USP54: variants seen among roughly 807,000 people sequenced by gnomAD.
The protein encoded by USP54 is ubiquitin specific peptidase 54.
In USP54, 87 loss-of-function variants were observed where a neutral mutation model predicts 170.5. The ratio of observed to expected loss-of-function variants is 0.51; its 90% CI spans 0.43 to 0.61. The LOEUF is 0.61. USP54 is among the 20% of genes least tolerant of loss of function. USP54 has a pLI of 0.00. For synonymous variants in USP54, 655 were observed against 742.8 expected (o/e 0.88, Z 1.92); for missense variants, 1,786 against 2,047.8 (o/e 0.87, Z 2.47).
chr10:73,546,954 T>C (rs1442084500), intron 4 of USP54, among the ~76,000 whole-genome samples: 1 of 152,236 alleles, frequency 6.6e-6, no homozygotes, highest in Non-Finnish European at 1.5e-5. Flanking sequence ...TAGTTTTAAT[T>C]TAGTCTTTAA....
At chr10:73,607,912 G>A (rs535859737) in intron 1 of USP54, among the ~76,000 whole-genome samples, 13 of 151,766 alleles carry the variant, frequency 8.6e-5, no homozygotes, top group African/African-American at 2.9e-4. Context: ...GATTAAATGA[G>A]TTGCAGTGTG....
rs563528927 is a variant in USP54, at chr10:73,498,433, G to A, written c.*196C>T. ...TGGGACTACAGGCACGCACCGTCACGCCTGGCTAATTTTTTGTATTTTGGT... is the reference window on the plus strand; with the variant it reads ...TGGGACTACAGGCACGCACCGTCACACCTGGCTAATTTTTTGTATTTTGGT... On this transcript the variant is annotated 3_prime_UTR_variant, in exon 24 of 24. Coordinates refer to ENST00000687698, the MANE Select transcript of USP54 (RefSeq NM_001391956.1). 1.8e-5 allele frequency: 7 copies of A among 383,026 alleles called. No individual in the cohort carries two copies. The highest frequency in any genetic ancestry group is 5.9e-5 in the South Asian group (1 of 16,902). 23.7% of individuals were successfully genotyped at this position (383,026 alleles called of 1,614,324 possible).
intron 4 of USP54, among the ~76,000 whole-genome samples, chr10:73,552,423 A>C (rs561069242): frequency 6.6e-6 from 1 of 151,464 alleles, no homozygotes; most frequent in South Asian, 2.1e-4. Context: ...AAAAAAAAAA[A>C]AAAAAGTATT....
chr10:73,506,999 G>A (rs752012504), intron 20 of USP54: 2 of 151,792 alleles, frequency 1.3e-5, no homozygotes, highest in African/African-American at 2.4e-5. Flanking sequence ...ACCTATAGAA[G>A]AATAAATACA....
intron 1 of USP54, among the ~76,000 whole-genome samples, chr10:73,603,681 G>C (rs2079381845): frequency 6.6e-6 from 1 of 151,740 alleles, no homozygotes; most frequent in Non-Finnish European, 1.5e-5. Flanking sequence ...CCGGGAGGCA[G>C]AGGTGGCAGT....
At chr10:73,569,519 C>G (rs893526544) in intron 4 of USP54, among the ~76,000 whole-genome samples, 2 of 152,044 alleles carry the variant, frequency 1.3e-5, no homozygotes, top group African/African-American at 4.8e-5. Context: ...TGATGGCTCA[C>G]GCCTGTAATC....
intron 1 of USP54, among the ~76,000 whole-genome samples, chr10:73,623,199 A>G (rs978633214): frequency 2.0e-5 from 3 of 152,064 alleles, no homozygotes; most frequent in African/African-American, 7.2e-5. Flanking sequence ...CTTAGGCAAC[A>G]TAGCAAGACC....
intron 1 of USP54, among the ~76,000 whole-genome samples, chr10:73,581,007 C>T (rs1454579548): frequency 6.6e-6 from 1 of 152,236 alleles, no homozygotes; most frequent in Non-Finnish European, 1.5e-5. Flanking sequence ...AAATGATATT[C>T]ACACAATGAC....
chr10:73,510,500 G>A (rs114795696), intron 20 of USP54, among the ~76,000 whole-genome samples: 2,930 of 143,146 alleles, frequency 0.02, 92 homozygotes, highest in African/African-American at 0.073. Context: ...TGCCCAGGCT[G>A]TAGTGCAATG....
intron 7 of USP54, chr10:73,541,971 T>G (rs1041843475): frequency 3.9e-6 from 2 of 518,310 alleles, no homozygotes; most frequent in Non-Finnish European, 3.4e-6. Flanking sequence ...GTACTGAGCC[T>G]AAGAAAAGGG....
At chr10:73,601,827 C>T (rs1388389051) in intron 1 of USP54, among the ~76,000 whole-genome samples, 1 of 152,196 alleles carries the variant, frequency 6.6e-6, no homozygotes, top group Non-Finnish European at 1.5e-5. Context: ...AGCCACTGAA[C>T]GCAGGTGGCA....
intron 1 of USP54, among the ~76,000 whole-genome samples, chr10:73,590,184 AT>A (rs1190557857): frequency 6.6e-6 from 1 of 152,210 alleles, no homozygotes; most frequent in East Asian, 1.9e-4. Flanking sequence ...CTACCTATGT[AT>A]AGCCGCTTTG....
intron 1 of USP54, among the ~76,000 whole-genome samples, chr10:73,587,477 A>G (rs2077648771): frequency 6.6e-6 from 1 of 151,808 alleles, no homozygotes; most frequent in South Asian, 2.1e-4. Flanking sequence ...TCCATCTCAA[A>G]AAAAACAAAA....
chr10:73,556,809 T>A (rs1161621155), intron 4 of USP54, among the ~76,000 whole-genome samples: 1 of 152,114 alleles, frequency 6.6e-6, no homozygotes, highest in African/African-American at 2.4e-5. Flanking sequence ...CCTGCCCCAT[T>A]AGAACAGTCT....
intron 19 of USP54, chr10:73,518,245 A>C: frequency 1.0e-6 from 1 of 985,440 alleles, no homozygotes. Flanking sequence ...TTTACAAAAT[A>C]CAGGGTGATT....
chr10:73,609,170 A>C (rs1321488795), intron 1 of USP54, among the ~76,000 whole-genome samples: 1 of 152,232 alleles, frequency 6.6e-6, no homozygotes, highest in Non-Finnish European at 1.5e-5. Context: ...TTGTTCCTAA[A>C]TACCCTTCTG....
At chr10:73,518,200 A>G (rs1336293750) in intron 19 of USP54, 1 of 985,430 alleles carries the variant, frequency 1.0e-6, no homozygotes, top group African/African-American at 1.7e-5. Flanking sequence ...TGGGGTCCTG[A>G]GAGGCAGCCC....
chr10:73,503,884 C>A (rs761039583), intron 22 of USP54, among the ~76,000 whole-genome samples: 6 of 152,182 alleles, frequency 3.9e-5, no homozygotes, highest in African/African-American at 1.4e-4. Flanking sequence ...AAGCACCCCC[C>A]ACCATGCCTG....
At chr10:73,535,904 T>C (rs1460644580) in intron 11 of USP54, among the ~76,000 whole-genome samples, 2 of 152,232 alleles carry the variant, frequency 1.3e-5, no homozygotes. Flanking sequence ...AGCCTTGTAG[T>C]GGCTCAAATA....
Sources: gnomAD v4.1 joint callset for allele counts (sites outside exome capture counted in the v4.1 genomes callset) on GRCh38, gnomAD v4.1.1 for gene constraint, MANE v1.5 for transcripts, NCBI Gene and HGNC (gene_info 2026-07-23, HGNC 2026-07-21) for gene names.